ATXN1: variants seen among roughly 807,000 people sequenced by gnomAD.
ATXN1 encodes the protein ataxin 1.
In ATXN1, 8 loss-of-function variants were observed where a neutral mutation model predicts 56.4. The observed-to-expected ratio is 0.14, with a 90% CI of 0.08 to 0.26. The LOEUF is 0.26. Among genes scored for constraint, ATXN1 ranks in the 10% least tolerant of loss-of-function variants. The probability of loss-of-function intolerance (pLI) is 1.00; values close to 1 mark genes in which losing one functional copy is unlikely to be tolerated. For missense variants in ATXN1, 987 were observed against 1,106.5 expected (o/e 0.89, Z 1.53); for synonymous variants, 514 against 494.6 (o/e 1.04, Z -0.52).
intron 6 of ATXN1, among the ~76,000 whole-genome samples, chr6:16,362,198 C>T (rs1183950458): frequency 2.6e-5 from 4 of 152,170 alleles, no homozygotes; most frequent in Non-Finnish European, 5.9e-5. Flanking sequence ...TTAACCAGTT[C>T]GTGACTATGG....
chr6:16,446,023 C>T (rs1216916178), intron 6 of ATXN1, among the ~76,000 whole-genome samples: 4 of 151,878 alleles, frequency 2.6e-5, no homozygotes, highest in Non-Finnish European at 5.9e-5. Context: ...ATTTATAGTC[C>T]TTTGGGTATA....
chr6:16,501,626 T>A (rs1434470088), intron 5 of ATXN1, among the ~76,000 whole-genome samples: 1 of 152,182 alleles, frequency 6.6e-6, no homozygotes, highest in African/African-American at 2.4e-5. Flanking sequence ...TCCAGCTTCA[T>A]CCATGTCCCT....
chr6:16,327,003 G>A lies in ATXN1; in HGVS notation c.1308C>T (p.Thr436=), dbSNP rs570641256. ...YALSPHTVIQ[T]THSASEPLPV... is the part of the protein sequence containing the mutation. ...GGAGTGGCTCTGAAGCACTGTGTGT[G>A]GTCTGAATGACCGTGTGGGGTGAGA... The change falls in exon 7 of 8, where the codon ACC becomes ACT. Residue 436 remains threonine (T), a synonymous_variant. Coordinates refer to ENST00000436367, the MANE Select transcript of ATXN1 (RefSeq NM_001128164.2). The A allele has an allele frequency of 1.9e-6, 3 of 1,614,164 alleles. No individual in the cohort carries two copies. In the South Asian group the frequency reaches 3.3e-5, roughly 18 times the overall value.
chr6:16,435,810 G>A lies in ATXN1; in HGVS notation c.-161+50162C>T, dbSNP rs532083238. On this transcript the variant is annotated intron_variant, in intron 6 of 7. Coordinates refer to ENST00000436367, the MANE Select transcript of ATXN1 (RefSeq NM_001128164.2). ...CCCTTAACCATGAGACCTGAAGCAA[G>A]TTACTTTATTTCTCTAGGGCTCAAT... Among the ~76,000 whole-genome samples, 438 of 152,226 alleles carry A rather than the reference G, an allele frequency of 2.9e-3. 2 individuals are homozygous for A. Among genetic ancestry groups the A allele is most frequent in the Non-Finnish European group, 4.2e-3 (287 of 68,010 alleles).
At chr6:16,516,897 TC>T (rs1430476583) in intron 5 of ATXN1, among the ~76,000 whole-genome samples, 1 of 152,222 alleles carries the variant, frequency 6.6e-6, no homozygotes, top group Non-Finnish European at 1.5e-5. Flanking sequence ...CTTTTCACCC[TC>T]CAACTCACAT....
chr6:16,680,523 G>A (rs1024008761), intron 2 of ATXN1, among the ~76,000 whole-genome samples: 1 of 152,172 alleles, frequency 6.6e-6, no homozygotes, highest in East Asian at 1.9e-4. Context: ...GACCCTTCAA[G>A]GGAAGAAGGA....
chr6:16,437,562 C>T (rs1180598460), intron 6 of ATXN1, among the ~76,000 whole-genome samples: 1 of 152,206 alleles, frequency 6.6e-6, no homozygotes, highest in Non-Finnish European at 1.5e-5. Flanking sequence ...AACTTATAAC[C>T]TTACTGTTCT....
intron 5 of ATXN1, among the ~76,000 whole-genome samples, chr6:16,520,867 C>A (rs2113694604): frequency 6.6e-6 from 1 of 152,324 alleles, no homozygotes; most frequent in African/African-American, 2.4e-5. Context: ...CTATGTTCTA[C>A]ATTCCATTCA....
intron 4 of ATXN1, among the ~76,000 whole-genome samples, chr6:16,539,912 G>A (rs1761678389): frequency 6.6e-6 from 1 of 152,170 alleles, no homozygotes; most frequent in South Asian, 2.1e-4. Flanking sequence ...TCTCTGCAAA[G>A]CAAAGCCTTT....
chr6:16,302,447 A>C lies in ATXN1; in HGVS notation c.*3882T>G, dbSNP rs1760131804. 6.6e-6 allele frequency: 1 copy of C among 152,648 alleles called. No homozygotes were observed. The highest frequency in any genetic ancestry group is 1.5e-5 in the Non-Finnish European group (1 of 68,046). 9.5% of individuals were successfully genotyped at this position (152,648 alleles called of 1,614,324 possible). A position where few individuals can be genotyped will look rare whatever the true frequency, so the allele number is the denominator to read the frequency against. The stretch of plus-strand genomic sequence containing the variant: ...AAACGAAAAGTTGACCAACATAGAA[A>C]ATTATCCTGAAAGTCCAAATGAAAA... On this transcript the variant is annotated 3_prime_UTR_variant, in exon 8 of 8. Transcript: ENST00000436367.
chr6:16,454,419 A>AC (rs1053663683), intron 6 of ATXN1, among the ~76,000 whole-genome samples: 12 of 151,918 alleles, frequency 7.9e-5, no homozygotes, highest in African/African-American at 1.5e-4. Context: ...TAAATGGTTA[A>AC]CCCCCCCTGC....
Position 16,506,865 on chromosome 6 carries a change from C to T in ATXN1, c.-299+15762G>A, listed in dbSNP as rs1760989276. Among the ~76,000 whole-genome samples, 1 of 152,148 alleles carries T rather than the reference C, an allele frequency of 6.6e-6. No homozygotes were observed. The highest frequency in any genetic ancestry group is 6.6e-5 in the Admixed American group (1 of 15,262). On this transcript the variant is annotated intron_variant, in intron 5 of 7. Coordinates refer to ENST00000436367, the MANE Select transcript of ATXN1 (RefSeq NM_001128164.2). This position sits in a 1 kb window ranked among gnomAD's most constrained non-coding sequence, Gnocchi z 4.1. ...GCCAATGATTATTGATAACATCATT[C>T]AACGCCATGTAATGAGTTGACACCA...
intron 4 of ATXN1, among the ~76,000 whole-genome samples, chr6:16,527,214 T>TC (rs749275110): frequency 1.6e-4 from 24 of 151,828 alleles, no homozygotes; most frequent in Non-Finnish European, 1.6e-4. Flanking sequence ...GTGCCATACC[T>TC]CCCCCCGCGA....
In ATXN1 at chr6:16,302,195, C is replaced by CA. The variant is rs1369084937; in HGVS notation, c.*4133_*4134insT. ...GCAGTCAAAGTGCTGCTTCTGGACA[C>CA]GTCAGTGTACCACACACACACCTGC... On this transcript the variant is annotated 3_prime_UTR_variant, in exon 8 of 8. Coordinates refer to ENST00000436367, the MANE Select transcript of ATXN1 (RefSeq NM_001128164.2). 6.6e-6 allele frequency: 1 copy of CA among 152,542 alleles called. No individual in the cohort carries two copies. 9.4% of individuals were successfully genotyped at this position (152,542 alleles called of 1,614,324 possible).
intron 4 of ATXN1, among the ~76,000 whole-genome samples, chr6:16,537,877 C>T (rs754180823): frequency 1.3e-4 from 19 of 151,674 alleles, no homozygotes; most frequent in Non-Finnish European, 2.7e-4. Flanking sequence ...CCAAGGTGGG[C>T]GGATCACCTG....
At chr6:16,696,412 G>T (rs1374124857) in intron 2 of ATXN1, among the ~76,000 whole-genome samples, 1 of 152,164 alleles carries the variant, frequency 6.6e-6, no homozygotes, top group Non-Finnish European at 1.5e-5. Flanking sequence ...AAGAAAAAAA[G>T]TTAAATTATA....
intron 6 of ATXN1, among the ~76,000 whole-genome samples, chr6:16,387,770 G>C (rs545304421): frequency 6.6e-6 from 1 of 152,080 alleles, no homozygotes; most frequent in Non-Finnish European, 1.5e-5. Context: ...ATAAAATATC[G>C]AATCAGGCTA....
chr6:16,448,316 C>T (rs926747721), intron 6 of ATXN1, among the ~76,000 whole-genome samples: 6 of 152,146 alleles, frequency 3.9e-5, no homozygotes, highest in African/African-American at 1.4e-4. Context: ...CCTCCCTGGT[C>T]GCCTTGTCTA....
At chr6:16,654,887 A>T (rs1758159015) in intron 3 of ATXN1, among the ~76,000 whole-genome samples, 1 of 152,184 alleles carries the variant, frequency 6.6e-6, no homozygotes, top group Admixed American at 6.5e-5. Flanking sequence ...TACCACATTC[A>T]TGTGGTTTCC....
Sources: gnomAD v4.1 joint callset for allele counts (sites outside exome capture counted in the v4.1 genomes callset) on GRCh38, gnomAD v4.1.1 for gene constraint, Gnocchi (gnomAD v3.1) non-coding constraint, MANE v1.5 for transcripts, NCBI Gene and HGNC (gene_info 2026-07-23, HGNC 2026-07-21) for gene names.